Variants in DLG2 observed in about 807,000 individuals in gnomAD.
The protein encoded by DLG2 is discs large MAGUK scaffold protein 2, also known as disks large homolog 2.
A neutral mutation model predicts 132.5 loss-of-function variants in DLG2; 45 were observed. The observed-to-expected ratio is 0.34, with a 90% CI of 0.27 to 0.44. The LOEUF is 0.44. DLG2 is among the 20% of genes least tolerant of loss of function. The pLI is 1.00. For missense variants in DLG2, 1,045 were observed against 1,196.9 expected (o/e 0.87, Z 1.87); for synonymous variants, 424 against 419.6 (o/e 1.01, Z -0.13).
At chr11:83,714,070 A>G (rs140193579) in intron 18 of DLG2, among the ~76,000 whole-genome samples, 17 of 152,326 alleles carry the variant, frequency 1.1e-4, no homozygotes, top group Admixed American at 2.6e-4. Flanking sequence ...TACATAAAAC[A>G]ACTTGATTCC....
At chr11:85,533,201 T>C (rs987447239) in intron 3 of DLG2, among the ~76,000 whole-genome samples, 3 of 152,042 alleles carry the variant, frequency 2.0e-5, no homozygotes, top group African/African-American at 7.2e-5. Context: ...TTTTTGTATT[T>C]TTAGTAGAGA....
intron 11 of DLG2, among the ~76,000 whole-genome samples, chr11:84,044,301 T>A (rs755434153): frequency 6.6e-6 from 1 of 151,852 alleles, no homozygotes; most frequent in South Asian, 2.1e-4. Flanking sequence ...CGCTTCTTTC[T>A]GGTTTTGATT....
chr11:84,549,185 G>A (rs1170384641), intron 6 of DLG2, among the ~76,000 whole-genome samples: 2 of 152,190 alleles, frequency 1.3e-5, no homozygotes, highest in Non-Finnish European at 2.9e-5. Context: ...AAATTTGCTG[G>A]AGAGGACCAG....
intron 4 of DLG2, among the ~76,000 whole-genome samples, chr11:85,199,797 G>A (rs2081318380): frequency 6.6e-6 from 1 of 152,086 alleles, no homozygotes; most frequent in Non-Finnish European, 1.5e-5. Context: ...GCCACAAATA[G>A]ATTAAGCCAC....
chr11:84,683,371 G>T (rs1232426004), intron 6 of DLG2, among the ~76,000 whole-genome samples: 2 of 152,120 alleles, frequency 1.3e-5, no homozygotes, highest in Non-Finnish European at 2.9e-5. Flanking sequence ...GGTATTGCAG[G>T]TAATCTTGCC....
At chr11:84,808,383 A>G (rs1339656521) in intron 6 of DLG2, among the ~76,000 whole-genome samples, 1 of 152,064 alleles carries the variant, frequency 6.6e-6, no homozygotes, top group Non-Finnish European at 1.5e-5. Flanking sequence ...CGAAAAGATA[A>G]AAGTCTCAAA....
intron 6 of DLG2, among the ~76,000 whole-genome samples, chr11:85,079,541 A>G: frequency 6.7e-6 from 1 of 149,170 alleles, no homozygotes; most frequent in East Asian, 2.0e-4. Flanking sequence ...GATTTGCCAG[A>G]GGCAACATCA....
rs553569925 is a variant in DLG2, at chr11:85,340,623, C to G, written c.41-55258G>C. Among the ~76,000 whole-genome samples the G allele has an allele frequency of 4.6e-5, 7 of 152,244 alleles. No individual in the cohort carries two copies. In the South Asian group the frequency reaches 1.5e-3, roughly 32 times the overall value. ...CTGCACATTGTGCACATGTACCCTA[C>G]AACTTAAAGTATATAATTTTTAAAA... On this transcript the variant is annotated intron_variant, in intron 3 of 27. Coordinates refer to ENST00000376104, the MANE Select transcript of DLG2 (RefSeq NM_001142699.3).
chr11:83,522,019 G>A (rs548412177), intron 21 of DLG2, among the ~76,000 whole-genome samples: 1 of 152,282 alleles, frequency 6.6e-6, no homozygotes, highest in South Asian at 2.1e-4. Context: ...AATGCCCTCT[G>A]TTACTGGGCC....
rs11338428 is a variant in DLG2 at position 84,174,014 on chromosome 11, C to CTTTTTT, written c.574-10509_574-10504dup. On this transcript the variant is annotated intron_variant, in intron 8 of 27. Coordinates refer to ENST00000376104, the MANE Select transcript of DLG2 (RefSeq NM_001142699.3). ...CTGAGTTTTGACTTCACCCCCCGGC[C>CTTTTTT]TTTTTTTTTTTTTTTTTTTTTTCTG... Among the ~76,000 whole-genome samples, 58 of 61,196 alleles carry CTTTTTT rather than the reference C, an allele frequency of 9.5e-4. 16 individuals are homozygous for CTTTTTT. Among genetic ancestry groups the CTTTTTT allele is most frequent in the African/African-American group, 1.5e-3 (23 of 15,356 alleles). The allele number at this position is 61,196 out of a possible 152,430, so 40.1% of individuals were successfully genotyped here.
intron 18 of DLG2, among the ~76,000 whole-genome samples, chr11:83,702,433 C>T (rs749938285): frequency 1.2e-4 from 19 of 152,174 alleles, no homozygotes; most frequent in Non-Finnish European, 2.4e-4. Context: ...TAGTAATTAA[C>T]GCTAAGTATC....
chr11:84,436,169 G>GC (rs2099000158), intron 7 of DLG2, among the ~76,000 whole-genome samples: 2 of 152,108 alleles, frequency 1.3e-5, no homozygotes, highest in South Asian at 2.1e-4. Context: ...ACCAATTCCA[G>GC]CCCAATCCTC....
chr11:84,080,105 G>T (rs1414695473), intron 10 of DLG2, among the ~76,000 whole-genome samples: 1 of 151,946 alleles, frequency 6.6e-6, no homozygotes, highest in African/African-American at 2.4e-5. Flanking sequence ...TGGTGGCAAA[G>T]ATCCTGATTT....
chr11:84,285,528 TATC>T (rs1287776678), intron 7 of DLG2, among the ~76,000 whole-genome samples: 2 of 152,180 alleles, frequency 1.3e-5, no homozygotes, highest in South Asian at 2.1e-4. Context: ...CTCTCCCACT[TATC>T]ATTTAAATCT....
chr11:84,500,027 A>G (rs997518715), intron 7 of DLG2, among the ~76,000 whole-genome samples: 1 of 152,166 alleles, frequency 6.6e-6, no homozygotes, highest in Admixed American at 6.5e-5. Flanking sequence ...GGAGATACGG[A>G]GATGAAAAAA....
intron 5 of DLG2, among the ~76,000 whole-genome samples, chr11:85,135,405 G>A (rs2076076605): frequency 6.6e-6 from 1 of 152,182 alleles, no homozygotes. Flanking sequence ...TAAATAAATT[G>A]GATAGCAGAG....
At chr11:83,937,730 C>A (rs2081811872) in intron 14 of DLG2, among the ~76,000 whole-genome samples, 1 of 151,998 alleles carries the variant, frequency 6.6e-6, no homozygotes, top group Non-Finnish European at 1.5e-5. Context: ...TATAAATAAC[C>A]TCACTAGGAA....
At chr11:83,722,500 C>T (rs1483147172) in intron 18 of DLG2, among the ~76,000 whole-genome samples, 3 of 152,142 alleles carry the variant, frequency 2.0e-5, no homozygotes, top group Non-Finnish European at 4.4e-5. Context: ...TGAGCTCCAA[C>T]TCTGAGGAAA....
At chr11:84,826,774 C>T (rs374788686) in intron 6 of DLG2, among the ~76,000 whole-genome samples, 3 of 151,794 alleles carry the variant, frequency 2.0e-5, no homozygotes, top group Non-Finnish European at 4.4e-5. Flanking sequence ...CTGCTGCTGC[C>T]TTGCCTCTAC....
Sources: gnomAD v4.1 joint callset for allele counts (sites outside exome capture counted in the v4.1 genomes callset) on GRCh38, gnomAD v4.1.1 for gene constraint, MANE v1.5 for transcripts, NCBI Gene and HGNC (gene_info 2026-07-23, HGNC 2026-07-21) for gene names.